PDIA4: variants seen among roughly 807,000 people sequenced by gnomAD.
PDIA4 encodes the protein protein disulfide-isomerase A4.
A neutral mutation model predicts 62.1 loss-of-function variants in PDIA4; 33 were observed. The observed-to-expected ratio is 0.53, with a 90% CI of 0.40 to 0.71. The LOEUF is 0.71. Ranked by LOEUF, PDIA4 falls within the 30% of genes least tolerant of loss-of-function variation. PDIA4 has a pLI of 0.00. For synonymous variants in PDIA4, 341 were observed against 324.1 expected, an observed-to-expected ratio of 1.05 and a Z score of -0.56; for missense variants, 804 against 813.6, an observed-to-expected ratio of 0.99 and a Z score of 0.14.
At position 149,020,934 on chromosome 7, in the gene PDIA4, G is replaced by C. The variant is rs745563406; in HGVS notation, c.269+33C>G. 3.7e-6 allele frequency: 6 copies of C among 1,608,532 alleles called. No homozygotes were observed. In the Admixed American group the frequency reaches 1.0e-4, roughly 27 times the overall value. On this transcript the variant is annotated intron_variant, in intron 2 of 9. Transcript: ENST00000652332. Reference sequence around the variant, plus strand: ...GCTGAGCGAATGGAGCACAGCGCTTGTCCACCTGCAGAAATTAGAACGCGG... The same window carrying C: ...GCTGAGCGAATGGAGCACAGCGCTTCTCCACCTGCAGAAATTAGAACGCGG...
chr7:149,026,334 C>T (rs920291455), intron 1 of PDIA4, among the ~76,000 whole-genome samples: 2 of 151,880 alleles, frequency 1.3e-5, no homozygotes, highest in Non-Finnish European at 2.9e-5. Flanking sequence ...CATAGTGAGA[C>T]CCCATCTCTA....
intron 8 of PDIA4, 116 bp downstream of exon 8, chr7:149,005,781 G>A (rs1823733847): frequency 1.2e-6 from 1 of 818,384 alleles, no homozygotes; most frequent in African/African-American, 1.8e-5. Context: ...CCCCAGGCTG[G>A]GATTTCTGAG....
rs1354749653 is a variant in PDIA4, at chr7:149,005,827, A to C, written c.1288+70T>G. 5.5e-6 allele frequency: 7 copies of C among 1,280,218 alleles called. No homozygotes were observed. In the African/African-American group the frequency reaches 9.3e-5, roughly 17 times the overall value. The allele number at this position is 1,280,218 out of a possible 1,614,324, so 79.3% of individuals were successfully genotyped here. On this transcript the variant is annotated intron_variant, in intron 8 of 9. Coordinates refer to ENST00000652332, the MANE Select transcript of PDIA4 (RefSeq NM_004911.5). ...ACATACAGCCACACCTCCCCTCAACACTCCACCTTGCCTGAAAGAACGAGT... is the reference window on the plus strand; with the variant it reads ...ACATACAGCCACACCTCCCCTCAACCCTCCACCTTGCCTGAAAGAACGAGT...
chr7:149,007,537 C>T (rs1823804473), intron 7 of PDIA4, among the ~76,000 whole-genome samples: 1 of 152,244 alleles, frequency 6.6e-6, no homozygotes, highest in Non-Finnish European at 1.5e-5. Flanking sequence ...CTGAGATCTA[C>T]TCACCGAAGT....
rs1373040270 is a variant in PDIA4, at chr7:149,005,310, G to A, written c.1353C>T (p.Ala451=). ...VAKDFPEYTF[A]IADEEDYAGE... Reference sequence around the variant, plus strand: ...CAGCATAGTCCTCTTCGTCCGCAATGGCAAAGGTGTACTCAGGGAAGTCCT... The same window carrying A: ...CAGCATAGTCCTCTTCGTCCGCAATAGCAAAGGTGTACTCAGGGAAGTCCT... The change falls in exon 9 of 10, where the codon GCC becomes GCT. Residue 451 remains alanine, a synonymous_variant. Coordinates refer to ENST00000652332, the MANE Select transcript of PDIA4 (RefSeq NM_004911.5). 1 of 1,614,006 alleles carries A rather than the reference G, an allele frequency of 6.2e-7. No homozygotes were observed. Among genetic ancestry groups the A allele is most frequent in the Non-Finnish European group, 8.5e-7 (1 of 1,180,036 alleles).
chr7:149,025,088 ATATAT>A (rs1824505351), intron 1 of PDIA4, among the ~76,000 whole-genome samples: 1 of 13,948 alleles, frequency 7.2e-5, no homozygotes, highest in African/African-American at 8.3e-5. Flanking sequence ...AAAAAAAAAT[ATATAT>A]ATATATATAT....
At chr7:149,018,936 A>T in intron 3 of PDIA4, 56 bp downstream of exon 3, 1 of 1,370,612 alleles carries the variant, frequency 7.3e-7, no homozygotes, top group Non-Finnish European at 1.0e-6. Flanking sequence ...TATTAGCCAA[A>T]TTCCCATTCC....
chr7:149,025,888 G>A (rs995103854), intron 1 of PDIA4, among the ~76,000 whole-genome samples: 1 of 152,122 alleles, frequency 6.6e-6, no homozygotes, highest in Non-Finnish European at 1.5e-5. Flanking sequence ...GCAACAAACA[G>A]GATCAGAATA....
At chr7:149,026,813 A>AG (rs1824574829) in intron 1 of PDIA4, among the ~76,000 whole-genome samples, 1 of 151,790 alleles carries the variant, frequency 6.6e-6, no homozygotes, top group Non-Finnish European at 1.5e-5. Flanking sequence ...AAAAAAAAAA[A>AG]AAAACGGAGC....
chr7:149,017,659 A>T (rs535444971), intron 3 of PDIA4, among the ~76,000 whole-genome samples: 5 of 138,222 alleles, frequency 3.6e-5, no homozygotes, highest in African/African-American at 1.7e-4. Flanking sequence ...TTATCAAAAT[A>T]AAATACATTT....
chr7:149,021,194 C>T lies in PDIA4; in HGVS notation c.89-47G>A, dbSNP rs1314631526. The T allele has an allele frequency of 2.0e-5, 30 of 1,536,096 alleles. 1 individual carries two copies. In the East Asian group the frequency reaches 7.3e-4, roughly 38 times the overall value. ...TGGTTACAAAGCTGGTGGTGACTCT[C>T]CTTAAAACTTTCCTGGCCGGGCGCG... On this transcript the variant is annotated intron_variant, in intron 1 of 9. Transcript: ENST00000652332.
rs191293641 is a variant in PDIA4, at chr7:149,016,420, A to G, written c.476-1378T>C. Among the ~76,000 whole-genome samples the G allele has an allele frequency of 4.9e-4, 74 of 152,380 alleles. 1 individual carries two copies. Among genetic ancestry groups the G allele is most frequent in the Middle Eastern group, 3.4e-3 (1 of 294 alleles). The stretch of plus-strand genomic sequence containing the variant: ...ACAGGATAGTATTTGACATATACTA[A>G]TAACTGTAAAAATGAGAAAATCTCT... On this transcript the variant is annotated intron_variant, in intron 3 of 9. Coordinates refer to ENST00000652332, the MANE Select transcript of PDIA4 (RefSeq NM_004911.5).
rs778799994 is a variant in PDIA4 at position 149,008,323 on chromosome 7, C to T, written c.980-13G>A. On this transcript the variant is annotated splice_polypyrimidine_tract_variant and intron_variant, in intron 6 of 9. Coordinates refer to ENST00000652332, the MANE Select transcript of PDIA4 (RefSeq NM_004911.5). ...CTCAGGTTGTTAGCTGAAACGTTAA[C>T]AGAATAAGATGTAATTTTGAAAATT... 1 of 1,608,020 alleles carries T rather than the reference C, an allele frequency of 6.2e-7. No individual in the cohort carries two copies. The highest frequency in any genetic ancestry group is 8.5e-7 in the Non-Finnish European group (1 of 1,177,580).
At chr7:149,015,683 A>G (rs913869816) in intron 3 of PDIA4, among the ~76,000 whole-genome samples, 3 of 152,202 alleles carry the variant, frequency 2.0e-5, no homozygotes, top group Non-Finnish European at 4.4e-5. Context: ...TCTTAGGACG[A>G]GTGGTTGCAA....
chr7:149,003,832 G>C lies in PDIA4; in HGVS notation c.1900C>G (p.His634Asp), dbSNP rs369451701. The C allele has an allele frequency of 3.8e-6, 6 of 1,588,722 alleles. No individual in the cohort carries two copies. The highest frequency in any genetic ancestry group is 5.1e-6 in the Non-Finnish European group (6 of 1,167,516). Residue 634 changes from histidine (H) to aspartate (D), a missense_variant, in exon 10 of 10, where the codon CAT (histidine) becomes GAT (aspartate). By Grantham distance (81) the His-to-Asp change is moderately conservative. Coordinates refer to ENST00000652332, the MANE Select transcript of PDIA4 (RefSeq NM_004911.5). ...LEHLSKFIEE[H>D]ATKLSRTKEE... is the part of the protein sequence containing the mutation. ...TTGGTCCTGCTCAGTTTTGTGGCAT[G>C]TTCTTCTATAAACTTGCTCAAATGC...
Position 149,003,906 on chromosome 7 carries a change from C to G in PDIA4, c.1826G>C (p.Gly609Ala). The G allele has an allele frequency of 6.2e-7, 1 of 1,613,204 alleles. No homozygotes were observed. The highest frequency in any genetic ancestry group is 8.5e-7 in the Non-Finnish European group (1 of 1,179,730). Residue 609 changes from glycine to alanine, a missense_variant, in exon 10 of 10, where the codon GGG (glycine) becomes GCG (alanine). Transcript: ENST00000652332. Reference protein sequence around the residue: ...GFPTIYFAPSGDKKNPVKFEG... With the variant: ...GFPTIYFAPSADKKNPVKFEG... The stretch of plus-strand genomic sequence containing the variant: ...AAATTTAACTGGGTTCTTTTTGTCC[C>G]CACTGGGGGCGAAGTAGATGGTGGG...
In PDIA4 at chr7:149,015,851, G is replaced by T. The variant is rs574924131; in HGVS notation, c.476-809C>A. Among the ~76,000 whole-genome samples the T allele has an allele frequency of 2.6e-5, 4 of 152,348 alleles. No homozygotes were observed. The South Asian group carries it at 8.3e-4, about 32-fold the overall frequency. ...GCCCTGCCCCCCAGACCACACCCAG[G>T]GGTCCTGAGGCACTTAACACATAGG... On this transcript the variant is annotated intron_variant, in intron 3 of 9. Coordinates refer to ENST00000652332, the MANE Select transcript of PDIA4 (RefSeq NM_004911.5).
rs145092459 is a variant in PDIA4, at chr7:149,011,898, G to A, written c.927C>T (p.Ile309=). ...FLKDGDDVII[I]GVFKGESDPA... ...GGTCACTCTCCCCCTTAAAGACCCC[G>A]ATGATGATGACATCGTCTCCATCCT... The change falls in exon 6 of 10, where the codon ATC becomes ATT. Residue 309 remains isoleucine (I), a synonymous_variant. Transcript: ENST00000652332. The A allele has an allele frequency of 1.8e-4, 287 of 1,605,208 alleles. No homozygotes were observed. The African/African-American group carries it at 3.0e-3, about 17-fold the overall frequency.
At chr7:149,017,762 A>G (rs970889677) in intron 3 of PDIA4, among the ~76,000 whole-genome samples, 1 of 152,202 alleles carries the variant, frequency 6.6e-6, no homozygotes, top group South Asian at 2.1e-4. Context: ...TTGTTCATTC[A>G]TTTAATAAAA....
Sources: allele counts gnomAD v4.1 joint callset (sites outside exome capture counted in the v4.1 genomes callset), GRCh38; gene constraint gnomAD v4.1.1; transcripts MANE v1.5; gene names NCBI Gene and HGNC (gene_info 2026-07-23, HGNC 2026-07-21).